The following CTNND2 variants were observed in gnomAD, a reference collection of about 807,000 sequenced individuals.
The protein encoded by CTNND2 is catenin delta-2.
CTNND2 carries 22 observed loss-of-function variants against 144.4 expected under a neutral mutation model. The ratio of observed to expected loss-of-function variants is 0.15; its 90% CI spans 0.11 to 0.22. The LOEUF (loss-of-function observed/expected upper bound fraction) is 0.22. Among genes scored for constraint, CTNND2 ranks in the 10% least tolerant of loss-of-function variants. The pLI is 1.00. For missense variants in CTNND2, 1,353 were observed against 1,618.8 expected (o/e 0.84, Z 2.82); for synonymous variants, 751 against 695.6 (o/e 1.08, Z -1.25).
chr5:11,376,887 C>T (rs894189356), intron 7 of CTNND2, among the ~76,000 whole-genome samples: 1 of 152,118 alleles, frequency 6.6e-6, no homozygotes, highest in Non-Finnish European at 1.5e-5. Flanking sequence ...TTGGGCCTGT[C>T]CAGGAATTCA....
chr5:11,339,606 C>G (rs1561243691), intron 9 of CTNND2, among the ~76,000 whole-genome samples: 2 of 152,230 alleles, frequency 1.3e-5, no homozygotes, highest in East Asian at 3.9e-4. Flanking sequence ...TTGTGACCCC[C>G]TAGATTTGTA....
intron 3 of CTNND2, among the ~76,000 whole-genome samples, chr5:11,466,301 C>T (rs1204407258): frequency 6.6e-6 from 1 of 152,188 alleles, no homozygotes; most frequent in Non-Finnish European, 1.5e-5. Flanking sequence ...AAGACTGTTC[C>T]ATTGTACAGT....
At chr5:11,256,557 T>A (rs1404728627) in intron 9 of CTNND2, among the ~76,000 whole-genome samples, 1 of 152,184 alleles carries the variant, frequency 6.6e-6, no homozygotes, top group Non-Finnish European at 1.5e-5. Context: ...AATGAAACTA[T>A]TCCAAGATAA....
intron 3 of CTNND2, among the ~76,000 whole-genome samples, chr5:11,443,362 TGGGGG>T (rs1193273066): frequency 2.3e-5 from 1 of 43,422 alleles, no homozygotes; most frequent in Admixed American, 3.6e-4. Flanking sequence ...GGAGGGTGTG[TGGGGG>T]GGTGTGGCAT....
At chr5:11,123,700 C>T (rs1283798418) in intron 12 of CTNND2, among the ~76,000 whole-genome samples, 1 of 152,248 alleles carries the variant, frequency 6.6e-6, no homozygotes, top group Non-Finnish European at 1.5e-5. Context: ...CCCTATACTT[C>T]GATTAGCCCC....
At chr5:11,689,167 AC>A (rs1340239758) in intron 2 of CTNND2, among the ~76,000 whole-genome samples, 1 of 152,226 alleles carries the variant, frequency 6.6e-6, no homozygotes, top group Non-Finnish European at 1.5e-5. Context: ...CCAGCACTGT[AC>A]CTGCACCCAG....
chr5:11,005,802 A>G (rs1740421584), intron 18 of CTNND2, among the ~76,000 whole-genome samples: 1 of 152,228 alleles, frequency 6.6e-6, no homozygotes, highest in South Asian at 2.1e-4. Context: ...GTTTAGTGTT[A>G]AACAGTGAAG....
chr5:11,698,357 CG>C (rs1215416192), intron 2 of CTNND2, among the ~76,000 whole-genome samples: 2 of 151,042 alleles, frequency 1.3e-5, no homozygotes, highest in Non-Finnish European at 2.9e-5. Context: ...GGCGCGATCT[CG>C]GCCCCCTGAA....
At chr5:11,300,815 C>A (rs998304012) in intron 9 of CTNND2, among the ~76,000 whole-genome samples, 5 of 152,176 alleles carry the variant, frequency 3.3e-5, no homozygotes, top group Admixed American at 6.5e-5. Flanking sequence ...CCTCCACTCC[C>A]ATCCCCTCAA....
At chr5:11,840,305 C>T (rs1453614764) in intron 1 of CTNND2, among the ~76,000 whole-genome samples, 1 of 152,064 alleles carries the variant, frequency 6.6e-6, no homozygotes, top group African/African-American at 2.4e-5. Context: ...AATAATGTTT[C>T]TTTGTCAAAC....
Position 11,827,885 on chromosome 5 carries a change from T to C in CTNND2, c.37+75932A>G, listed in dbSNP as rs1793682246. ...CAATTGTATATAAGATTTTGCAAAA[T>C]ATAGAAGGAACTGAACACTTCTTAA... is the stretch of plus-strand genomic sequence containing the variant. On this transcript the variant is annotated intron_variant, in intron 1 of 21. Transcript: ENST00000304623. Among the ~76,000 whole-genome samples the C allele has an allele frequency of 2.6e-5, 4 of 152,170 alleles. No homozygotes were observed. In the South Asian group the frequency reaches 8.3e-4, roughly 31 times the overall value.
chr5:11,499,814 T>C (rs61757499), intron 3 of CTNND2, among the ~76,000 whole-genome samples: 2,545 of 152,318 alleles, frequency 0.017, 76 homozygotes, highest in African/African-American at 0.058. Context: ...TTTTACTTAA[T>C]AGTACCTTCC....
chr5:11,699,583 G>A (rs758612826), intron 2 of CTNND2, among the ~76,000 whole-genome samples: 1 of 152,050 alleles, frequency 6.6e-6, no homozygotes, highest in Non-Finnish European at 1.5e-5. Context: ...ATTCCTCGGG[G>A]ATATCATGAA....
intron 12 of CTNND2, among the ~76,000 whole-genome samples, chr5:11,141,185 C>G (rs1327098163): frequency 6.6e-6 from 1 of 152,198 alleles, no homozygotes; most frequent in Non-Finnish European, 1.5e-5. Flanking sequence ...AGCTCTTGGA[C>G]TCAAGCAATC....
intron 1 of CTNND2, among the ~76,000 whole-genome samples, chr5:11,880,208 G>A (rs1453724052): frequency 1.3e-5 from 2 of 151,972 alleles, no homozygotes; most frequent in African/African-American, 2.4e-5. Context: ...GTGTAAGAGG[G>A]GCCCAGAAAT....
chr5:11,245,972 C>T (rs367843884), intron 9 of CTNND2, among the ~76,000 whole-genome samples: 6 of 152,288 alleles, frequency 3.9e-5, no homozygotes, highest in East Asian at 1.9e-4. Flanking sequence ...CCCTGAGCTT[C>T]GGCTTATTTC....
intron 9 of CTNND2, among the ~76,000 whole-genome samples, chr5:11,288,578 C>T (rs895309382): frequency 4.5e-4 from 68 of 152,124 alleles, no homozygotes; most frequent in South Asian, 1.5e-3. Flanking sequence ...GCTCTGTCTT[C>T]CATAGCTTTG....
At chr5:11,018,781 G>A (rs1309959109) in intron 17 of CTNND2, among the ~76,000 whole-genome samples, 1 of 150,490 alleles carries the variant, frequency 6.6e-6, no homozygotes, top group East Asian at 2.0e-4. Flanking sequence ...CGAGATCTTG[G>A]CTCACTGCAA....
intron 5 of CTNND2, among the ~76,000 whole-genome samples, chr5:11,404,999 G>A (rs1049598758): frequency 1.3e-5 from 2 of 152,072 alleles, no homozygotes; most frequent in Admixed American, 6.6e-5. Context: ...TCTGCCTCGC[G>A]GGGAAAAGTC....
Sources: gnomAD v4.1 joint callset for allele counts (sites outside exome capture counted in the v4.1 genomes callset) on GRCh38, gnomAD v4.1.1 for gene constraint, MANE v1.5 for transcripts, NCBI Gene and HGNC (gene_info 2026-07-23, HGNC 2026-07-21) for gene names.